The following MRTFB variants were observed in gnomAD, a reference collection of about 807,000 sequenced individuals.
The protein encoded by MRTFB is myocardin-related transcription factor B.
Under a neutral mutation model 104.2 loss-of-function variants are expected in MRTFB, and 29 were observed. The observed-to-expected ratio is 0.28, with a 90% CI of 0.21 to 0.38. MRTFB has a LOEUF of 0.38. Among genes scored for constraint, MRTFB ranks in the 10% least tolerant of loss-of-function variants. The pLI is 1.00. For missense variants in MRTFB, 1,270 were observed against 1,341.6 expected (o/e 0.95, Z 0.83); for synonymous variants, 535 against 519.5 (o/e 1.03, Z -0.41).
At chr16:14,188,328 GTCAAGT>G (rs1237723179) in intron 3 of MRTFB, among the ~76,000 whole-genome samples, 2 of 152,094 alleles carry the variant, frequency 1.3e-5, no homozygotes, top group Non-Finnish European at 1.5e-5. Context: ...TATCATTTAA[GTCAAGT>G]TCAAGTGTCA....
intron 2 of MRTFB, among the ~76,000 whole-genome samples, chr16:14,114,325 T>C (rs1004591423): frequency 6.6e-6 from 1 of 152,266 alleles, no homozygotes; most frequent in Non-Finnish European, 1.5e-5. Flanking sequence ...ATAGAACTAT[T>C]CATTTTACCC....
intron 2 of MRTFB, among the ~76,000 whole-genome samples, chr16:14,121,113 G>C (rs887647366): frequency 3.3e-4 from 50 of 151,900 alleles, no homozygotes; most frequent in African/African-American, 1.1e-3. Context: ...CTTTAAAACT[G>C]GTTATTGTGA....
At chr16:14,113,459 A>G (rs1476423313) in intron 2 of MRTFB, among the ~76,000 whole-genome samples, 1 of 152,268 alleles carries the variant, frequency 6.6e-6, no homozygotes. Context: ...ATCAGTAAAC[A>G]GGTACAGGAG....
intron 16 of MRTFB, among the ~76,000 whole-genome samples, chr16:14,260,553 A>G (rs1234505397): frequency 6.6e-6 from 1 of 152,182 alleles, no homozygotes; most frequent in East Asian, 1.9e-4. Flanking sequence ...AGATAAAATA[A>G]TCTAAAACCA....
the MRTFB span, among the ~76,000 whole-genome samples, chr16:14,023,580 T>TACAC: frequency 5.6e-4 from 53 of 94,016 alleles, 1 homozygote; most frequent in African/African-American, 2.1e-3. Flanking sequence ...CAAGGGCAGA[T>TACAC]ACACACACAC....
intron 14 of MRTFB, 53 bp from the exon 15 acceptor site, chr16:14,252,312 A>G (rs908339101): frequency 2.5e-6 from 4 of 1,584,526 alleles, no homozygotes; most frequent in African/African-American, 1.3e-5. Context: ...TAGCCAGGAA[A>G]AGAGAGGTTT....
intron 2 of MRTFB, among the ~76,000 whole-genome samples, chr16:14,097,377 GT>G (rs1364925049): frequency 6.6e-6 from 1 of 152,284 alleles, no homozygotes; most frequent in Admixed American, 6.5e-5. Flanking sequence ...AGGAAGACCG[GT>G]TTGTTCACTT....
intron 10 of MRTFB, among the ~76,000 whole-genome samples, chr16:14,241,955 A>C (rs2042783911): frequency 6.9e-6 from 1 of 144,068 alleles, no homozygotes; most frequent in African/African-American, 2.5e-5. Flanking sequence ...CTCCTTTGGC[A>C]TTGGGCACCA....
chr16:14,254,278 G>A (rs1461843472), intron 15 of MRTFB, among the ~76,000 whole-genome samples: 1 of 152,204 alleles, frequency 6.6e-6, no homozygotes, highest in Admixed American at 6.5e-5. Context: ...TCTTCCCACA[G>A]ATAATAGCTA....
the MRTFB span, among the ~76,000 whole-genome samples, chr16:14,050,356 A>C: frequency 6.6e-6 from 1 of 152,086 alleles, no homozygotes; most frequent in African/African-American, 2.4e-5. Flanking sequence ...AACATGACCA[A>C]AGTCTCAATT....
chr16:14,108,446 A>G (rs761062159), intron 2 of MRTFB, among the ~76,000 whole-genome samples: 2 of 152,220 alleles, frequency 1.3e-5, no homozygotes, highest in Non-Finnish European at 2.9e-5. Context: ...TAGTGGTAAC[A>G]TACTGAATTA....
intron 3 of MRTFB, among the ~76,000 whole-genome samples, chr16:14,164,285 CTTT>C (rs1277896537): frequency 2.0e-5 from 3 of 152,174 alleles, no homozygotes; most frequent in Non-Finnish European, 2.9e-5. Flanking sequence ...TTAAGATCAA[CTTT>C]TTTACCTTCA....
chr16:14,021,267 C>A, the MRTFB span, among the ~76,000 whole-genome samples: 1 of 152,158 alleles, frequency 6.6e-6, no homozygotes, highest in Non-Finnish European at 1.5e-5. Context: ...GAATTCAGTT[C>A]TTCGTGGTTG....
At chr16:14,167,687 T>G (rs926816916) in intron 3 of MRTFB, among the ~76,000 whole-genome samples, 1 of 152,104 alleles carries the variant, frequency 6.6e-6, no homozygotes, top group Non-Finnish European at 1.5e-5. Context: ...GTTTTTTGTT[T>G]TGTTTTGTTT....
the MRTFB span, among the ~76,000 whole-genome samples, chr16:14,016,754 CAA>C: frequency 1.3e-5 from 1 of 76,364 alleles, no homozygotes; most frequent in Non-Finnish European, 2.3e-5. Flanking sequence ...TCGTGGGTAA[CAA>C]GAGGGAAACT....
At chr16:14,203,804 G>GAAAAAAAAAAAAAAAAAAAAAAAAAA (rs908323645) in intron 3 of MRTFB, among the ~76,000 whole-genome samples, 1 of 46,574 alleles carries the variant, frequency 2.1e-5, no homozygotes. Context: ...ACTCTGTCTC[G>GAAAAAAAAAAAAAAAAAAAAAAAAAA]AAAAAAAAAA....
At chr16:14,056,231 G>A in the MRTFB span, among the ~76,000 whole-genome samples, 17 of 151,848 alleles carry the variant, frequency 1.1e-4, no homozygotes, top group Non-Finnish European at 1.0e-4. Flanking sequence ...CCCCCACCTC[G>A]GCTTTCCAAA....
chr16:14,177,421 C>A lies in MRTFB; in HGVS notation c.155-32822C>A, dbSNP rs955530056. Among the ~76,000 whole-genome samples the A allele has an allele frequency of 6.6e-6, 1 of 152,152 alleles. No individual in the cohort carries two copies. Among genetic ancestry groups the A allele is most frequent in the African/African-American group, 2.4e-5 (1 of 41,414 alleles). On this transcript the variant is annotated intron_variant, in intron 3 of 16. Coordinates refer to ENST00000571589, the MANE Select transcript of MRTFB (RefSeq NM_001308142.2). This position sits in a 1 kb window ranked among gnomAD's most constrained non-coding sequence, Gnocchi z 4.7. ...CTGAGGTCTAGGCTAACCCATTACTCCCTGTTGAGTGTTTTGGGTTTTGTT... is the reference window on the plus strand; with the variant it reads ...CTGAGGTCTAGGCTAACCCATTACTACCTGTTGAGTGTTTTGGGTTTTGTT...
the MRTFB span, among the ~76,000 whole-genome samples, chr16:13,999,858 A>C: frequency 6.6e-6 from 1 of 152,150 alleles, no homozygotes; most frequent in Non-Finnish European, 1.5e-5. Context: ...AAGAGCCTAT[A>C]TGATAGAAAC....
Sources: allele counts gnomAD v4.1 joint callset (sites outside exome capture counted in the v4.1 genomes callset), GRCh38; gene constraint gnomAD v4.1.1; non-coding constraint Gnocchi (gnomAD v3.1); transcripts MANE v1.5; gene names NCBI Gene and HGNC (gene_info 2026-07-23, HGNC 2026-07-21).